Variants in CCDC175 observed in about 807,000 individuals in gnomAD.
The protein encoded by CCDC175 is coiled-coil domain containing 175.
In CCDC175, 100 loss-of-function variants were observed where a neutral mutation model predicts 114.6. The observed-to-expected ratio is 0.87, with a 90% CI of 0.74 to 1.03. The LOEUF is 1.03. Among genes scored for constraint, CCDC175 ranks in the 50% least tolerant of loss-of-function variants. The pLI is 0.00. For missense variants in CCDC175, 880 were observed against 917.8 expected (o/e 0.96, Z 0.53); for synonymous variants, 306 against 308.7 (o/e 0.99, Z 0.09).
rs561322533 is a variant in CCDC175 at position 59,558,170 on chromosome 14, G to A, written c.953+2949C>T. On this transcript the variant is annotated intron_variant, in intron 7 of 19. Transcript: ENST00000537690. ...AGACAGAGGCAGGAAAAAGCTTGGT[G>A]TGTTCGAGGAAGAAGGATGGTGAGG... is the stretch of plus-strand genomic sequence containing the variant. Among the ~76,000 whole-genome samples the A allele has an allele frequency of 4.6e-5, 7 of 152,294 alleles. No individual in the cohort carries two copies. In the South Asian group the frequency reaches 1.4e-3, roughly 32 times the overall value.
In CCDC175 at chr14:59,523,785, C is replaced by T. The variant is rs10146853; in HGVS notation, c.1995+1497G>A. Among the ~76,000 whole-genome samples, 17 of 152,178 alleles carry T rather than the reference C, an allele frequency of 1.1e-4. No homozygotes were observed. In the South Asian group the frequency reaches 2.1e-3, roughly 19 times the overall value. On this transcript the variant is annotated intron_variant, in intron 16 of 19. Transcript: ENST00000537690. ...CGGGCGGATCACAAGGTCAGGAGAT[C>T]GAGACCATCCTGGCTAACACGGTGA...
chr14:59,560,642 T>C (rs148847220), intron 7 of CCDC175, among the ~76,000 whole-genome samples: 4 of 152,192 alleles, frequency 2.6e-5, no homozygotes, highest in Non-Finnish European at 5.9e-5. Flanking sequence ...AGGCTTTGGA[T>C]GGATGGAAGA....
intron 17 of CCDC175, among the ~76,000 whole-genome samples, chr14:59,517,856 T>C (rs1893195742): frequency 6.6e-6 from 1 of 152,120 alleles, no homozygotes; most frequent in African/African-American, 2.4e-5. Flanking sequence ...AGAGCCCGCA[T>C]CGCCAAGTCA....
intron 7 of CCDC175, among the ~76,000 whole-genome samples, chr14:59,555,680 T>A (rs1049480403): frequency 6.6e-6 from 1 of 152,216 alleles, no homozygotes. Context: ...AGACTGTCCC[T>A]GTTTGCAGAT....
Position 59,545,194 on chromosome 14 carries a change from C to CTTT in CCDC175, c.1138_1140dup (p.Lys380dup), listed in dbSNP as rs1439974095. 2 of 1,536,606 alleles carry CTTT rather than the reference C, an allele frequency of 1.3e-6. No homozygotes were observed. The highest frequency in any genetic ancestry group is 1.7e-6 in the Non-Finnish European group (2 of 1,146,596). On this transcript the variant is annotated inframe_insertion, in exon 9 of 20. Coordinates refer to ENST00000537690, the MANE Select transcript of CCDC175 (RefSeq NM_001164399.2). ...TGAATCTTTTGTTTTTGCAAAAAAG[C>CTTT]TTTTTCTTCCTCACTTAAAACAATC...
chr14:59,541,757 T>A (rs1404886664), intron 10 of CCDC175, among the ~76,000 whole-genome samples: 1 of 152,184 alleles, frequency 6.6e-6, no homozygotes, highest in African/African-American at 2.4e-5. Context: ...CCTAAATGGA[T>A]AATAACATTG....
At position 59,538,700 on chromosome 14, in the gene CCDC175, C is replaced by G. The variant is rs1346898881; in HGVS notation, c.1491+5G>C. On this transcript the variant is annotated splice_donor_5th_base_variant and intron_variant, in intron 12 of 19. Transcript: ENST00000537690. Reference sequence around the variant, plus strand: ...ACTAATTCTAAGTTCTTTCAGTTCTCTTACCTCGTTAAGTAATTCAATTCG... The same window carrying G: ...ACTAATTCTAAGTTCTTTCAGTTCTGTTACCTCGTTAAGTAATTCAATTCG... 8 of 1,532,308 alleles carry G rather than the reference C, an allele frequency of 5.2e-6. No individual in the cohort carries two copies. The Admixed American group carries it at 1.0e-4, about 19-fold the overall frequency. 94.9% of individuals were successfully genotyped at this position (1,532,308 alleles called of 1,614,324 possible).
At position 59,549,820 on chromosome 14, in the gene CCDC175, C is replaced by T. The variant is rs1472694321; in HGVS notation, c.1035+1535G>A. Among the ~76,000 whole-genome samples, 3 of 151,910 alleles carry T rather than the reference C, an allele frequency of 2.0e-5. No homozygotes were observed. In the South Asian group the frequency reaches 6.2e-4, roughly 32 times the overall value. On this transcript the variant is annotated intron_variant, in intron 8 of 19. Transcript: ENST00000537690. Reference sequence around the variant, plus strand: ...GGAAGAGATACTAAGGATATTTCTCCTTCAATACAAGGGACAAGAAGAATT... The same window carrying T: ...GGAAGAGATACTAAGGATATTTCTCTTTCAATACAAGGGACAAGAAGAATT...
intron 19 of CCDC175, among the ~76,000 whole-genome samples, chr14:59,508,075 G>A (rs944543003): frequency 6.6e-6 from 1 of 151,960 alleles, no homozygotes. Flanking sequence ...AGTCTTACAA[G>A]CCTGCTGTGA....
Position 59,516,947 on chromosome 14 carries a change from A to C in CCDC175, c.2098+4627T>G, listed in dbSNP as rs1893129047. ...AAAATACTGGCAATCCGAATCCAGC[A>C]GCACATCAAAAAGCTTATCCACCAT... On this transcript the variant is annotated intron_variant, in intron 17 of 19. Coordinates refer to ENST00000537690, the MANE Select transcript of CCDC175 (RefSeq NM_001164399.2). 2.0e-5 allele frequency among the ~76,000 whole-genome samples: 3 copies of C among 152,244 alleles called. No individual in the cohort carries two copies. The South Asian group carries it at 6.2e-4, about 31-fold the overall frequency.
chr14:59,514,800 C>A (rs1306635055), intron 17 of CCDC175, among the ~76,000 whole-genome samples: 2 of 152,142 alleles, frequency 1.3e-5, no homozygotes, highest in Non-Finnish European at 2.9e-5. Flanking sequence ...CATTCAAATT[C>A]AGGAAATACA....
At position 59,545,193 on chromosome 14, in the gene CCDC175, G is replaced by C; in HGVS notation, c.1142C>G (p.Ala381Gly). 6.5e-7 allele frequency: 1 copy of C among 1,536,652 alleles called. No homozygotes were observed. The highest frequency in any genetic ancestry group is 8.7e-7 in the Non-Finnish European group (1 of 1,146,592). The change falls in exon 9 of 20, where the codon GCT becomes GGT. Residue 381 changes from alanine (A) to glycine (G), a missense_variant. Coordinates refer to ENST00000537690, the MANE Select transcript of CCDC175 (RefSeq NM_001164399.2). ...ATGAATCTTTTGTTTTTGCAAAAAA[G>C]CTTTTTCTTCCTCACTTAAAACAAT... ...YKIVLSEEEK[A>G]FLQKQKIHDE...
intron 3 of CCDC175, among the ~76,000 whole-genome samples, chr14:59,568,916 C>T (rs1038527212): frequency 6.6e-6 from 1 of 152,186 alleles, no homozygotes. Flanking sequence ...ATTTGCTCTC[C>T]CTTGACCTTG....
intron 8 of CCDC175, among the ~76,000 whole-genome samples, chr14:59,545,712 CA>C (rs1216631295): frequency 6.6e-6 from 1 of 151,968 alleles, no homozygotes; most frequent in East Asian, 1.9e-4. Context: ...TATTTGAGGA[CA>C]AAAAATAGTA....
chr14:59,571,425 A>G (rs1241902051), intron 3 of CCDC175, among the ~76,000 whole-genome samples: 2 of 152,248 alleles, frequency 1.3e-5, no homozygotes, highest in African/African-American at 2.4e-5. Context: ...ACAACAAAAA[A>G]GAACCTGATT....
chr14:59,566,198 C>A (rs1896530799), intron 4 of CCDC175, among the ~76,000 whole-genome samples: 1 of 152,166 alleles, frequency 6.6e-6, no homozygotes, highest in African/African-American at 2.4e-5. Context: ...CTCACACATC[C>A]ATTGCGGGCG....
At chr14:59,542,072 G>C (rs935787071) in intron 10 of CCDC175, among the ~76,000 whole-genome samples, 1 of 152,142 alleles carries the variant, frequency 6.6e-6, no homozygotes, top group Admixed American at 6.5e-5. Context: ...AGTTCTATAA[G>C]CTGGCTTCTT....
At chr14:59,575,538 C>T (rs1897065310) in intron 1 of CCDC175, among the ~76,000 whole-genome samples, 1 of 134,062 alleles carries the variant, frequency 7.5e-6, no homozygotes, top group East Asian at 2.3e-4. Flanking sequence ...GAGACGGAGT[C>T]TCGCTCTGTC....
intron 10 of CCDC175, among the ~76,000 whole-genome samples, chr14:59,542,878 T>C (rs1894872521): frequency 6.6e-6 from 1 of 152,100 alleles, no homozygotes. Context: ...TAAATATATA[T>C]TTGAAAGCAT....
Sources: allele counts gnomAD v4.1 joint callset (sites outside exome capture counted in the v4.1 genomes callset), GRCh38; gene constraint gnomAD v4.1.1; transcripts MANE v1.5; gene names NCBI Gene and HGNC (gene_info 2026-07-23, HGNC 2026-07-21).